Variants in CSNK2A2IP observed in about 807,000 individuals in gnomAD.
The protein encoded by CSNK2A2IP is casein kinase 2 subunit alpha' interacting protein.
the CSNK2A2IP span, among the ~76,000 whole-genome samples, chr3:88,463,987 T>C: frequency 6.6e-5 from 10 of 151,570 alleles, no homozygotes; most frequent in Non-Finnish European, 1.5e-4. Flanking sequence ...ATAATAATAA[T>C]ATATGATGAG....
At chr3:88,395,693 G>C in the CSNK2A2IP span, among the ~76,000 whole-genome samples, 1 of 152,088 alleles carries the variant, frequency 6.6e-6, no homozygotes, top group Non-Finnish European at 1.5e-5. Flanking sequence ...AGAAAAATTT[G>C]GGAAGAATCA....
the CSNK2A2IP span, among the ~76,000 whole-genome samples, chr3:88,427,813 GA>G: frequency 1.2e-4 from 18 of 152,160 alleles, no homozygotes; most frequent in Non-Finnish European, 2.5e-4. Context: ...TGCAGGGGTG[GA>G]GCTCTCATGA....
At chr3:88,374,379 T>C in the CSNK2A2IP span, among the ~76,000 whole-genome samples, 4 of 151,634 alleles carry the variant, frequency 2.6e-5, no homozygotes, top group African/African-American at 9.7e-5. Context: ...GTATTGTCTT[T>C]AGTGGAGAGT....
the CSNK2A2IP span, among the ~76,000 whole-genome samples, chr3:88,397,127 G>A: frequency 6.6e-6 from 1 of 152,096 alleles, no homozygotes; most frequent in Non-Finnish European, 1.5e-5. Flanking sequence ...AACATTTACC[G>A]CCCAATAGGA....
chr3:88,387,025 A>T, the CSNK2A2IP span, among the ~76,000 whole-genome samples: 1 of 152,228 alleles, frequency 6.6e-6, no homozygotes, highest in African/African-American at 2.4e-5. Context: ...TGGAGATACA[A>T]GTCAACAGGA....
At chr3:88,379,692 A>G in the CSNK2A2IP span, among the ~76,000 whole-genome samples, 6 of 152,220 alleles carry the variant, frequency 3.9e-5, no homozygotes, top group Middle Eastern at 0.01. Context: ...AAAAGGTCAT[A>G]TGTGAGATTA....
chr3:88,436,928 G>A, the CSNK2A2IP span, among the ~76,000 whole-genome samples: 1 of 152,046 alleles, frequency 6.6e-6, no homozygotes, highest in Non-Finnish European at 1.5e-5. Flanking sequence ...TGTGTTTACT[G>A]AATTTTTAAT....
chr3:88,373,134 TA>T, the CSNK2A2IP span, among the ~76,000 whole-genome samples: 1 of 151,510 alleles, frequency 6.6e-6, no homozygotes, highest in African/African-American at 2.4e-5. Flanking sequence ...TGATTTGACC[TA>T]ATTGTTATTT....
chr3:88,418,213 A>G, the CSNK2A2IP span, among the ~76,000 whole-genome samples: 3 of 152,192 alleles, frequency 2.0e-5, no homozygotes, highest in Admixed American at 6.5e-5. Flanking sequence ...TTGAGAGGGT[A>G]TATGTCACTG....
the CSNK2A2IP span, among the ~76,000 whole-genome samples, chr3:88,361,350 C>T: frequency 1.3e-5 from 2 of 152,110 alleles, no homozygotes; most frequent in African/African-American, 4.8e-5. Context: ...CTTTATTTTT[C>T]CTTCCTTTTT....
chr3:88,444,351 T>C, the CSNK2A2IP span, among the ~76,000 whole-genome samples: 2,071 of 152,254 alleles, frequency 0.014, 40 homozygotes, highest in African/African-American at 0.048. Flanking sequence ...CAGGAGTTTA[T>C]GTCAAAAAGT....
At chr3:88,354,611 A>C in the CSNK2A2IP span, among the ~76,000 whole-genome samples, 6 of 152,310 alleles carry the variant, frequency 3.9e-5, no homozygotes, top group Admixed American at 2.0e-4. Flanking sequence ...AACTGAAAGA[A>C]AATTCACCTG....
At chr3:88,428,602 G>A in the CSNK2A2IP span, among the ~76,000 whole-genome samples, 4 of 152,240 alleles carry the variant, frequency 2.6e-5, no homozygotes, top group Admixed American at 1.3e-4. Context: ...GTGATAGTGA[G>A]TTCTCATGAT....
At chr3:88,432,793 T>C in the CSNK2A2IP span, among the ~76,000 whole-genome samples, 4 of 150,562 alleles carry the variant, frequency 2.7e-5, no homozygotes, top group East Asian at 7.7e-4. Context: ...ATTAAAATAA[T>C]TAATTGCTTT....
At chr3:88,351,441 ATT>A in the CSNK2A2IP span, among the ~76,000 whole-genome samples, 1 of 152,012 alleles carries the variant, frequency 6.6e-6, no homozygotes, top group Non-Finnish European at 1.5e-5. Flanking sequence ...TATAATATAT[ATT>A]GTAGAAAATT....
At chr3:88,349,187 G>A in the CSNK2A2IP span, among the ~76,000 whole-genome samples, 1 of 151,844 alleles carries the variant, frequency 6.6e-6, no homozygotes, top group African/African-American at 2.4e-5. Context: ...TGGTTACACG[G>A]ATGAGTTCTT....
the CSNK2A2IP span, among the ~76,000 whole-genome samples, chr3:88,343,540 C>A: frequency 3.9e-4 from 59 of 151,910 alleles, no homozygotes; most frequent in Non-Finnish European, 8.1e-4. Context: ...AACACAATGC[C>A]ATTTGATAAA....
chr3:88,365,783 A>T, the CSNK2A2IP span, among the ~76,000 whole-genome samples: 4 of 152,258 alleles, frequency 2.6e-5, no homozygotes, highest in Admixed American at 2.6e-4. Flanking sequence ...TACGAGAATG[A>T]GTCTATATCA....
chr3:88,390,588 G>C, the CSNK2A2IP span, among the ~76,000 whole-genome samples: 1 of 152,260 alleles, frequency 6.6e-6, no homozygotes, highest in Non-Finnish European at 1.5e-5. Context: ...TAACTAAATC[G>C]AGTGGGCATT....
Sources: gnomAD v4.1 joint callset for allele counts (sites outside exome capture counted in the v4.1 genomes callset) on GRCh38, gnomAD v4.1.1 for gene constraint, MANE v1.5 for transcripts, NCBI Gene and HGNC (gene_info 2026-07-23, HGNC 2026-07-21) for gene names.